GBE1: variants seen among roughly 807,000 people sequenced by gnomAD.
GBE1 encodes 1,4-alpha-glucan-branching enzyme.
In GBE1, 70 loss-of-function variants were observed where a neutral mutation model predicts 88.8. That is an observed-to-expected ratio of 0.79 (90% confidence interval 0.65 to 0.96). The LOEUF is 0.96. Ranked by LOEUF, GBE1 falls within the 40% of genes least tolerant of loss-of-function variation. GBE1 has a pLI of 0.00. For synonymous variants in GBE1, 284 were observed against 300.1 expected (o/e 0.95, Z 0.56); for missense variants, 872 against 871.0 (o/e 1.00, Z -0.01).
chr3:81,728,292 A>T (rs902057508), intron 1 of GBE1, among the ~76,000 whole-genome samples: 1 of 152,206 alleles, frequency 6.6e-6, no homozygotes, highest in African/African-American at 2.4e-5. Flanking sequence ...AAAAGGAAAT[A>T]CAAAAACTTA....
chr3:81,609,375 G>A (rs538677441), intron 7 of GBE1, among the ~76,000 whole-genome samples: 6 of 152,132 alleles, frequency 3.9e-5, no homozygotes, highest in Admixed American at 3.9e-4. Flanking sequence ...AACAAATGAA[G>A]GACTGGAACA....
At chr3:81,735,934 C>T (rs902049452) in intron 1 of GBE1, among the ~76,000 whole-genome samples, 7 of 152,246 alleles carry the variant, frequency 4.6e-5, no homozygotes, top group Middle Eastern at 3.4e-3. Context: ...CAATTAGCCA[C>T]GACCACTAAA....
intron 2 of GBE1, among the ~76,000 whole-genome samples, chr3:81,674,514 T>G (rs913183072): frequency 6.6e-6 from 1 of 151,834 alleles, no homozygotes; most frequent in Non-Finnish European, 1.5e-5. Context: ...AAATTCAACC[T>G]CAAATTATTG....
intron 3 of GBE1, among the ~76,000 whole-genome samples, chr3:81,652,599 G>A (rs3772911): frequency 0.14 from 21,432 of 152,070 alleles, 1,647 homozygotes; most frequent in Non-Finnish European, 0.19. Flanking sequence ...ACACTGACCT[G>A]TGATTGTTAC....
intron 1 of GBE1, among the ~76,000 whole-genome samples, chr3:81,760,054 T>C (rs755583029): frequency 4.6e-5 from 7 of 152,210 alleles, no homozygotes; most frequent in Non-Finnish European, 8.8e-5. Context: ...CTTAAACCTA[T>C]GACGATTATG....
At position 81,703,871 on chromosome 3, in the gene GBE1, C is replaced by G. The variant is rs539927112; in HGVS notation, c.313+1573G>C. Among the ~76,000 whole-genome samples the G allele has an allele frequency of 4.6e-4, 70 of 151,904 alleles. 3 individuals are homozygous for G. The highest frequency in any genetic ancestry group is 3.7e-3 in the Admixed American group (57 of 15,222). ...CATTGTATTGGGTATTGTAAATAAT[C>G]CAGACATGATTGAAAGTATAAGGGA... On this transcript the variant is annotated intron_variant, in intron 2 of 15. Coordinates refer to ENST00000429644, the MANE Select transcript of GBE1 (RefSeq NM_000158.4).
chr3:81,642,515 AAT>A, intron 7 of GBE1: 1 of 285,864 alleles, frequency 3.5e-6, no homozygotes, highest in Non-Finnish European at 6.4e-6. Context: ...ATTAAAAAAA[AAT>A]GATTCACAGT....
At chr3:81,699,358 A>T (rs1705651765) in intron 2 of GBE1, among the ~76,000 whole-genome samples, 1 of 152,220 alleles carries the variant, frequency 6.6e-6, no homozygotes, top group Admixed American at 6.5e-5. Flanking sequence ...GATATCTAGA[A>T]TATCAAAAAA....
chr3:81,709,786 T>C (rs550748335), intron 1 of GBE1, among the ~76,000 whole-genome samples: 7 of 152,174 alleles, frequency 4.6e-5, no homozygotes, highest in Non-Finnish European at 7.4e-5. Context: ...ATACACATTG[T>C]ACTTTGAAAT....
At chr3:81,492,247 A>G (rs969215801) in intron 15 of GBE1, among the ~76,000 whole-genome samples, 5 of 152,344 alleles carry the variant, frequency 3.3e-5, no homozygotes, top group South Asian at 4.1e-4. Context: ...TTAATATCTC[A>G]TAACTATCAT....
At position 81,591,252 on chromosome 3, in the gene GBE1, T is replaced by C. The variant is rs150933045; in HGVS notation, c.1109-88A>G. 3.1e-4 allele frequency: 330 copies of C among 1,072,682 alleles called. 3 individuals carry two copies. In the African/African-American group the frequency reaches 4.8e-3, roughly 16 times the overall value. 66.4% of individuals were successfully genotyped at this position (1,072,682 alleles called of 1,614,324 possible). On this transcript the variant is annotated intron_variant, in intron 8 of 15. Transcript: ENST00000429644. ...ATACATTCACCAATTAGTTTGTTTA[T>C]ATGAATTTTGTTATTGTAGCAGTTT...
chr3:81,652,342 G>C (rs573959269), intron 3 of GBE1, among the ~76,000 whole-genome samples: 29 of 152,322 alleles, frequency 1.9e-4, no homozygotes, highest in Middle Eastern at 6.8e-3. Context: ...TATGGTAACA[G>C]GTTAACTTCT....
intron 7 of GBE1, among the ~76,000 whole-genome samples, chr3:81,616,026 A>T (rs887305382): frequency 6.6e-6 from 1 of 151,914 alleles, no homozygotes; most frequent in Middle Eastern, 3.4e-3. Flanking sequence ...TGTTGAATAT[A>T]TTTTCATCTG....
intron 12 of GBE1, among the ~76,000 whole-genome samples, chr3:81,540,508 T>C (rs1405623272): frequency 6.6e-6 from 1 of 152,046 alleles, no homozygotes; most frequent in Non-Finnish European, 1.5e-5. Context: ...TGTAAAATCA[T>C]CATTCTGAGG....
chr3:81,531,267 G>C (rs1270423567), intron 14 of GBE1, among the ~76,000 whole-genome samples: 1 of 151,962 alleles, frequency 6.6e-6, no homozygotes, highest in Non-Finnish European at 1.5e-5. Context: ...ATGCCAGCTA[G>C]GAGCTAAGGC....
rs751423254 is a variant in GBE1 at position 81,761,501 on chromosome 3, G to A, written c.17C>T (p.Thr6Ile). 7 of 1,606,676 alleles carry A rather than the reference G, an allele frequency of 4.4e-6. No homozygotes were observed. Among genetic ancestry groups the A allele is most frequent in the Non-Finnish European group, 5.9e-6 (7 of 1,177,842 alleles). Residue 6 changes from threonine to isoleucine, a missense_variant, in exon 1 of 16, where the codon ACT becomes ATT. Coordinates refer to ENST00000429644, the MANE Select transcript of GBE1 (RefSeq NM_000158.4). MAAPM[T>I]PAARPEDYEA... ...GTAGTCCTCGGGCCGAGCCGCGGGA[G>A]TCATCGGAGCCGCCATATTCCGCCG...
chr3:81,625,971 A>G (rs1236522510), intron 7 of GBE1, among the ~76,000 whole-genome samples: 1 of 152,212 alleles, frequency 6.6e-6, no homozygotes, highest in Non-Finnish European at 1.5e-5. Context: ...TTGTGCTATT[A>G]TCTTCTGCTA....
intron 1 of GBE1, among the ~76,000 whole-genome samples, chr3:81,739,866 A>C (rs1706321388): frequency 6.6e-6 from 1 of 152,204 alleles, no homozygotes; most frequent in Non-Finnish European, 1.5e-5. Context: ...CAAACATTAA[A>C]TAAATTACAC....
chr3:81,539,796 G>C (rs1430502505), intron 12 of GBE1, among the ~76,000 whole-genome samples: 1 of 151,998 alleles, frequency 6.6e-6, no homozygotes, highest in African/African-American at 2.4e-5. Flanking sequence ...AAAGTTTGGG[G>C]TAAGAAGATA....
Sources: gnomAD v4.1 joint callset for allele counts (sites outside exome capture counted in the v4.1 genomes callset) on GRCh38, gnomAD v4.1.1 for gene constraint, MANE v1.5 for transcripts, NCBI Gene and HGNC (gene_info 2026-07-23, HGNC 2026-07-21) for gene names.